The following AP3S1 variants were observed in gnomAD, a reference collection of about 807,000 sequenced individuals.
The protein encoded by AP3S1 is AP-3 complex subunit sigma-1.
A neutral mutation model predicts 21.3 loss-of-function variants in AP3S1; 12 were observed. That is an observed-to-expected ratio of 0.56 (90% confidence interval 0.36 to 0.91). The LOEUF (loss-of-function observed/expected upper bound fraction) is 0.91, where lower values mean the gene tolerates loss of function less well. Among genes scored for constraint, AP3S1 ranks in the 40% least tolerant of loss-of-function variants. The pLI is 0.01. For missense variants in AP3S1, 116 were observed against 225.0 expected (o/e 0.52, Z 3.10); for synonymous variants, 48 against 78.4 (o/e 0.61, Z 2.05).
intron 3 of AP3S1, among the ~76,000 whole-genome samples, chr5:115,884,638 A>AT (rs1208126298): frequency 6.6e-6 from 1 of 152,216 alleles, no homozygotes; most frequent in Non-Finnish European, 1.5e-5. Context: ...GATTTATAAA[A>AT]GCCTAGTCTG....
chr5:115,876,484 G>A (rs1055990853), intron 3 of AP3S1, among the ~76,000 whole-genome samples: 1 of 152,104 alleles, frequency 6.6e-6, no homozygotes, highest in African/African-American at 2.4e-5. Context: ...GAAGGAATTG[G>A]ACATGGTGGA....
chr5:115,851,832 T>G (rs1762458154), intron 1 of AP3S1, among the ~76,000 whole-genome samples: 1 of 151,934 alleles, frequency 6.6e-6, no homozygotes, highest in Non-Finnish European at 1.5e-5. Context: ...AACTTACGTT[T>G]TTGTTGTTGT....
At chr5:115,911,259 G>T (rs1752082606) in intron 5 of AP3S1, among the ~76,000 whole-genome samples, 1 of 151,832 alleles carries the variant, frequency 6.6e-6, no homozygotes, top group Admixed American at 6.6e-5. Context: ...AGAGCTTCAT[G>T]TACATTTAAT....
In AP3S1 at chr5:115,913,355, T is replaced by C. The variant is rs200829726; in HGVS notation, c.454-7T>C. 5.2e-4 allele frequency: 227 copies of C among 435,428 alleles called. No individual in the cohort carries two copies. The Admixed American group carries it at 9.0e-3, about 17-fold the overall frequency. The allele number at this position is 435,428 out of a possible 1,614,324, so 27.0% of individuals were successfully genotyped here. Reference sequence around the variant, plus strand: ...TTTCTTTTTCTTTTATTTGCTTCTGTATACAGGCTGGCTTAGCAGGAGCTC... The same window carrying C: ...TTTCTTTTTCTTTTATTTGCTTCTGCATACAGGCTGGCTTAGCAGGAGCTC... On this transcript the variant is annotated splice_polypyrimidine_tract_variant and splice_region_variant and intron_variant, in intron 5 of 5. Transcript: ENST00000316788.
At chr5:115,875,396 G>A (rs946418641) in intron 3 of AP3S1, among the ~76,000 whole-genome samples, 1 of 152,188 alleles carries the variant, frequency 6.6e-6, no homozygotes, top group Non-Finnish European at 1.5e-5. Context: ...GCCGATGAAG[G>A]CCCACCCAAT....
intron 1 of AP3S1, among the ~76,000 whole-genome samples, chr5:115,859,115 A>G (rs1310135144): frequency 2.0e-5 from 3 of 152,102 alleles, no homozygotes; most frequent in Non-Finnish European, 2.9e-5. Context: ...GGGTACTGAA[A>G]GCTGATTGGA....
At chr5:115,876,800 A>C (rs1157577403) in intron 3 of AP3S1, among the ~76,000 whole-genome samples, 1 of 152,016 alleles carries the variant, frequency 6.6e-6, no homozygotes, top group Admixed American at 6.6e-5. Context: ...GATACTTCTT[A>C]ATGATTTAGA....
intron 5 of AP3S1, among the ~76,000 whole-genome samples, chr5:115,910,606 A>C (rs1478581383): frequency 1.3e-5 from 2 of 152,162 alleles, no homozygotes; most frequent in African/African-American, 4.8e-5. Context: ...TTTATGTTTT[A>C]ATAAAAATGT....
chr5:115,843,662 A>G (rs1010461606), intron 1 of AP3S1, among the ~76,000 whole-genome samples: 1 of 152,264 alleles, frequency 6.6e-6, no homozygotes, highest in Non-Finnish European at 1.5e-5. Flanking sequence ...GTATGTTGCA[A>G]TAGTAAAACA....
intron 3 of AP3S1, among the ~76,000 whole-genome samples, chr5:115,891,025 G>A (rs1750256051): frequency 1.3e-5 from 2 of 152,230 alleles, no homozygotes; most frequent in African/African-American, 2.4e-5. Context: ...CCTCATAACA[G>A]GAGTCTGTTG....
intron 1 of AP3S1, among the ~76,000 whole-genome samples, chr5:115,849,061 A>G (rs192905889): frequency 6.6e-6 from 1 of 151,328 alleles, no homozygotes; most frequent in East Asian, 1.9e-4. Context: ...TCTCCATTAC[A>G]CTCTTTCTCT....
chr5:115,872,713 C>A (rs1349304938), intron 3 of AP3S1, among the ~76,000 whole-genome samples: 3 of 150,388 alleles, frequency 2.0e-5, no homozygotes, highest in African/African-American at 7.4e-5. Context: ...GAAAAAGAAG[C>A]CAAATCTTAC....
chr5:115,872,364 TC>T (rs1415906305), intron 3 of AP3S1, among the ~76,000 whole-genome samples: 25 of 152,296 alleles, frequency 1.6e-4, no homozygotes, highest in Non-Finnish European at 3.4e-4. Context: ...GCCATATTAC[TC>T]TTAAATCTGT....
intron 5 of AP3S1, chr5:115,906,827 A>G: frequency 6.6e-7 from 1 of 1,517,644 alleles, no homozygotes; most frequent in Non-Finnish European, 8.8e-7. Flanking sequence ...ACAGACCTTT[A>G]TCTTTCAGTC....
At chr5:115,875,715 A>G (rs1380779659) in intron 3 of AP3S1, among the ~76,000 whole-genome samples, 2 of 152,138 alleles carry the variant, frequency 1.3e-5, no homozygotes, top group Non-Finnish European at 2.9e-5. Flanking sequence ...TCATTTTAGG[A>G]AAATTCTGCC....
At chr5:115,878,341 G>A (rs937275231) in intron 3 of AP3S1, among the ~76,000 whole-genome samples, 11 of 152,198 alleles carry the variant, frequency 7.2e-5, no homozygotes, top group Admixed American at 2.0e-4. Flanking sequence ...TGGGTCTTAC[G>A]TTTAACTCTT....
chr5:115,896,599 C>CA (rs1392364890), intron 4 of AP3S1, among the ~76,000 whole-genome samples: 1 of 151,950 alleles, frequency 6.6e-6, no homozygotes, highest in Admixed American at 6.6e-5. Context: ...GGCAACATGG[C>CA]AAAACCTGGT....
intron 4 of AP3S1, among the ~76,000 whole-genome samples, chr5:115,899,652 A>G (rs1751047834): frequency 6.6e-6 from 1 of 152,176 alleles, no homozygotes; most frequent in Non-Finnish European, 1.5e-5. Flanking sequence ...GGGCTTGAAA[A>G]GAGTTTTTCA....
chr5:115,859,766 A>G (rs1763039697), intron 1 of AP3S1, among the ~76,000 whole-genome samples: 1 of 152,198 alleles, frequency 6.6e-6, no homozygotes, highest in Non-Finnish European at 1.5e-5. Flanking sequence ...CTTTAGATCT[A>G]GTTAGAGTTC....
Sources: gnomAD v4.1 joint callset for allele counts (sites outside exome capture counted in the v4.1 genomes callset) on GRCh38, gnomAD v4.1.1 for gene constraint, MANE v1.5 for transcripts, NCBI Gene and HGNC (gene_info 2026-07-23, HGNC 2026-07-21) for gene names.